ADARB2: variants seen among roughly 807,000 people sequenced by gnomAD.
ADARB2 encodes the protein inactive double-stranded RNA-specific editase B2.
A neutral mutation model predicts 62.2 loss-of-function variants in ADARB2; 25 were observed. The observed-to-expected ratio is 0.40, with a 90% CI of 0.29 to 0.56. The LOEUF (loss-of-function observed/expected upper bound fraction) is 0.56. ADARB2 is among the 20% of genes least tolerant of loss of function. The probability of loss-of-function intolerance (pLI) is 0.43; values close to 1 mark genes in which losing one functional copy is unlikely to be tolerated. For synonymous variants in ADARB2, 572 were observed against 500.8 expected, an observed-to-expected ratio of 1.14 and a Z score of -1.90; for missense variants, 1,071 against 1,077.4, an observed-to-expected ratio of 0.99 and a Z score of 0.08.
chr10:1,585,539 A>G (rs1323674904), intron 1 of ADARB2, among the ~76,000 whole-genome samples: 2 of 152,200 alleles, frequency 1.3e-5, no homozygotes, highest in African/African-American at 4.8e-5. Context: ...GTAACAATGC[A>G]GAGTCACTGA....
At position 1,327,447 on chromosome 10, in the gene ADARB2, A is replaced by C. The variant is rs996938203; in HGVS notation, c.1077+35581T>G. 2.7e-4 allele frequency among the ~76,000 whole-genome samples: 23 copies of C among 86,006 alleles called. 5 individuals are homozygous for C. Among genetic ancestry groups the C allele is most frequent in the Non-Finnish European group, 1.9e-4 (8 of 42,048 alleles). The allele number at this position is 86,006 out of a possible 152,430, so 56.4% of individuals were successfully genotyped here. On this transcript the variant is annotated intron_variant, in intron 3 of 9. Transcript: ENST00000381312. ...CCTCCCCACTGCCCAGCGCCTCCCC[A>C]CGGCCCAGCGCCTCCTCACTGCACA...
chr10:1,324,714 C>T (rs571329124), intron 3 of ADARB2, among the ~76,000 whole-genome samples: 1 of 152,236 alleles, frequency 6.6e-6, no homozygotes, highest in South Asian at 2.1e-4. Context: ...CCAGTGGCCA[C>T]CAGATATTAA....
chr10:1,220,015 ATGGTGATGATGG>A lies in ADARB2; in HGVS notation c.1514-2908_1514-2897del, dbSNP rs1830671611. ...GATGGTGATGATGATGGTAATGGTG[ATGGTGATGATGG>A]TGGTGATGATGGTAATGGTGATGGT... is the stretch of plus-strand genomic sequence containing the variant. On this transcript the variant is annotated intron_variant, in intron 6 of 9. Coordinates refer to ENST00000381312, the MANE Select transcript of ADARB2 (RefSeq NM_018702.4). Among the ~76,000 whole-genome samples, 3 of 127,120 alleles carry A rather than the reference ATGGTGATGATGG, an allele frequency of 2.4e-5. No individual in the cohort carries two copies. In the South Asian group the frequency reaches 8.1e-4, roughly 34 times the overall value. The allele number at this position is 127,120 out of a possible 152,430, so 83.4% of individuals were successfully genotyped here.
chr10:1,304,600 T>C (rs971573421), intron 3 of ADARB2, among the ~76,000 whole-genome samples: 1 of 151,546 alleles, frequency 6.6e-6, no homozygotes, highest in African/African-American at 2.4e-5. Flanking sequence ...ACCACACCTA[T>C]TCCAAAATTG....
In ADARB2 at chr10:1,183,360, G is replaced by A. The variant is rs763573681; in HGVS notation, c.2053C>T (p.Arg685Trp). 2.9e-5 allele frequency: 46 copies of A among 1,611,964 alleles called. No individual in the cohort carries two copies. Among genetic ancestry groups the A allele is most frequent in the Non-Finnish European group, 3.0e-5 (35 of 1,178,316 alleles). ...GGCGTGTCTCCAGGGCTGGGTGTCC[G>A]TGTGCTCAGCTGCGGACAAGAAGGA... The part of the protein sequence containing the change: ...WARLYGRLST[R>W]TPSPGDTPSM... Residue 685 changes from arginine to tryptophan, a missense_variant, in exon 10 of 10, where the codon CGG becomes TGG. Physicochemically the swap from Arg to Trp is moderately radical, Grantham distance 101. Coordinates refer to ENST00000381312, the MANE Select transcript of ADARB2 (RefSeq NM_018702.4).
chr10:1,616,327 G>A (rs937071301), intron 1 of ADARB2, among the ~76,000 whole-genome samples: 19 of 152,210 alleles, frequency 1.2e-4, no homozygotes, highest in African/African-American at 4.1e-4. Flanking sequence ...AAAGAAAAAC[G>A]AGGATCAGAA....
At chr10:1,622,270 A>G (rs1484358734) in intron 1 of ADARB2, among the ~76,000 whole-genome samples, 2 of 151,702 alleles carry the variant, frequency 1.3e-5, no homozygotes, top group Admixed American at 1.3e-4. Context: ...AATCTTTATT[A>G]GCTTGAATTT....
At chr10:1,594,847 C>T (rs1447232770) in intron 1 of ADARB2, among the ~76,000 whole-genome samples, 3 of 152,170 alleles carry the variant, frequency 2.0e-5, no homozygotes, top group African/African-American at 4.8e-5. Flanking sequence ...CCCACCACTT[C>T]GTTGTATCGG....
chr10:1,560,013 G>A (rs1226210790), intron 1 of ADARB2, among the ~76,000 whole-genome samples: 1 of 152,192 alleles, frequency 6.6e-6, no homozygotes, highest in Non-Finnish European at 1.5e-5. Context: ...AACTGTCAGT[G>A]TAAACAACCT....
rs534632647 is a variant in ADARB2, at chr10:1,675,946, T to C, written c.100+61105A>G. 4.1e-4 allele frequency: 389 copies of C among 951,628 alleles called. 1 individual carries two copies. The highest frequency in any genetic ancestry group is 4.4e-4 in the Non-Finnish European group (349 of 799,212). The allele number at this position is 951,628 out of a possible 1,614,324, so 58.9% of individuals were successfully genotyped here. On this transcript the variant is annotated intron_variant, in intron 1 of 9. Coordinates refer to ENST00000381312, the MANE Select transcript of ADARB2 (RefSeq NM_018702.4). ...GGGTCAGAGTTGAATCTGCTCAGAC[T>C]TGGAGCCCAGTTAGATGAAGATGTG... is the stretch of plus-strand genomic sequence containing the variant.
intron 1 of ADARB2, among the ~76,000 whole-genome samples, chr10:1,577,842 G>A (rs1305102470): frequency 6.6e-6 from 1 of 152,196 alleles, no homozygotes; most frequent in African/African-American, 2.4e-5. Flanking sequence ...GATAAAATGA[G>A]ATCATTAGGA....
chr10:1,717,264 A>G (rs1303473790), intron 1 of ADARB2, among the ~76,000 whole-genome samples: 2 of 149,212 alleles, frequency 1.3e-5, no homozygotes, highest in Non-Finnish European at 3.0e-5. Context: ...GGGCAGAAAC[A>G]TTGTCCAGGG....
At chr10:1,364,189 CACAA>C (rs915606572) in intron 2 of ADARB2, among the ~76,000 whole-genome samples, 30 of 152,322 alleles carry the variant, frequency 2.0e-4, no homozygotes, top group African/African-American at 6.5e-4. Flanking sequence ...GGCTGTGTCT[CACAA>C]ACAGACAAGC....
intron 1 of ADARB2, among the ~76,000 whole-genome samples, chr10:1,716,008 C>G (rs571372827): frequency 1.8e-4 from 28 of 152,260 alleles, no homozygotes; most frequent in African/African-American, 6.5e-4. Flanking sequence ...ATGCACACTC[C>G]CCTCCCGCCC....
intron 1 of ADARB2, among the ~76,000 whole-genome samples, chr10:1,386,223 A>T (rs951913541): frequency 1.6e-4 from 25 of 152,002 alleles, no homozygotes; most frequent in African/African-American, 5.5e-4. Flanking sequence ...ATACTAAAAA[A>T]GATTGATTTG....
At chr10:1,301,464 C>T (rs1290761506) in intron 3 of ADARB2, among the ~76,000 whole-genome samples, 2 of 152,076 alleles carry the variant, frequency 1.3e-5, no homozygotes, top group Admixed American at 1.3e-4. Flanking sequence ...AAAATGAAAC[C>T]CATCAAAATA....
chr10:1,596,359 C>T (rs182722033), intron 1 of ADARB2, among the ~76,000 whole-genome samples: 8 of 152,314 alleles, frequency 5.3e-5, no homozygotes, highest in African/African-American at 1.9e-4. Flanking sequence ...TAAAGAAAAT[C>T]TTCCATGAAG....
chr10:1,270,680 G>A (rs1322725901), intron 4 of ADARB2, among the ~76,000 whole-genome samples: 2 of 152,334 alleles, frequency 1.3e-5, no homozygotes, highest in South Asian at 2.1e-4. Context: ...CTCAGGAGAC[G>A]TGGGTCCTCC....
At chr10:1,591,697 C>A (rs532592109) in intron 1 of ADARB2, among the ~76,000 whole-genome samples, 44 of 150,980 alleles carry the variant, frequency 2.9e-4, no homozygotes, top group African/African-American at 1.0e-3. Flanking sequence ...TCACCAGGAC[C>A]CCCCCACCTG....
Sources: allele counts gnomAD v4.1 joint callset (sites outside exome capture counted in the v4.1 genomes callset), GRCh38; gene constraint gnomAD v4.1.1; transcripts MANE v1.5; gene names NCBI Gene and HGNC (gene_info 2026-07-23, HGNC 2026-07-21).